The following BLTP3B variants were observed in gnomAD, a reference collection of about 807,000 sequenced individuals.
BLTP3B encodes bridge-like lipid transfer protein family member 3B, also known as UHRF1 (ICBP90) binding protein 1-like.
the BLTP3B span, among the ~76,000 whole-genome samples, chr12:100,132,532 C>T: frequency 2.6e-5 from 4 of 152,332 alleles, no homozygotes; most frequent in Non-Finnish European, 5.9e-5. Flanking sequence ...TCCACTTCCC[C>T]TTACCTTCTC....
At chr12:100,090,555 C>T in the BLTP3B span, among the ~76,000 whole-genome samples, 77 of 152,072 alleles carry the variant, frequency 5.1e-4, no homozygotes, top group East Asian at 0.014. Context: ...ATGTATTTTG[C>T]ATGTATATAT....
the BLTP3B span, among the ~76,000 whole-genome samples, chr12:100,041,623 G>T: frequency 1.3e-5 from 2 of 152,008 alleles, no homozygotes; most frequent in Middle Eastern, 6.8e-3. Context: ...TTTTAGTAGA[G>T]ATGGGGTTTC....
the BLTP3B span, among the ~76,000 whole-genome samples, chr12:100,090,065 A>G: frequency 4.6e-5 from 7 of 152,194 alleles, no homozygotes; most frequent in Non-Finnish European, 8.8e-5. Flanking sequence ...CCCCAGCCAC[A>G]TGGAACTGTA....
the BLTP3B span, among the ~76,000 whole-genome samples, chr12:100,096,230 G>T: frequency 6.6e-6 from 1 of 151,884 alleles, no homozygotes; most frequent in African/African-American, 2.4e-5. Context: ...CTCCAGCCTG[G>T]GTGACAGAGA....
chr12:100,093,674 G>C, the BLTP3B span, among the ~76,000 whole-genome samples: 1 of 152,154 alleles, frequency 6.6e-6, no homozygotes, highest in Non-Finnish European at 1.5e-5. Flanking sequence ...AAACCAGCCT[G>C]ACATCTTAAT....
At chr12:100,053,337 G>T in the BLTP3B span, among the ~76,000 whole-genome samples, 1 of 152,012 alleles carries the variant, frequency 6.6e-6, no homozygotes, top group Admixed American at 6.5e-5. Context: ...GAACCCAGGA[G>T]GCGGAGGTTG....
At chr12:100,121,698 G>A in the BLTP3B span, among the ~76,000 whole-genome samples, 72 of 151,932 alleles carry the variant, frequency 4.7e-4, no homozygotes, top group African/African-American at 1.4e-3. Flanking sequence ...GCGTGGTGGC[G>A]CCCGCCTATA....
the BLTP3B span, chr12:100,058,652 T>C: frequency 1.2e-6 from 2 of 1,614,098 alleles, no homozygotes; most frequent in Non-Finnish European, 1.7e-6. Flanking sequence ...CTTGATCCAC[T>C]GGATGGAGCA....
At chr12:100,085,013 C>G in the BLTP3B span, among the ~76,000 whole-genome samples, 1 of 152,018 alleles carries the variant, frequency 6.6e-6, no homozygotes, top group African/African-American at 2.4e-5. Context: ...TAAATAGAAT[C>G]CTTTCTTCAA....
At chr12:100,136,186 G>A in the BLTP3B span, among the ~76,000 whole-genome samples, 1 of 149,472 alleles carries the variant, frequency 6.7e-6, no homozygotes, top group Non-Finnish European at 1.5e-5. Context: ...ACTCCAGCCT[G>A]GGCAACATAG....
At chr12:100,063,459 C>A in the BLTP3B span, among the ~76,000 whole-genome samples, 2 of 152,154 alleles carry the variant, frequency 1.3e-5, no homozygotes. Context: ...GTAATCCCAG[C>A]ACTTTGGGAG....
At chr12:100,075,276 C>T in the BLTP3B span, among the ~76,000 whole-genome samples, 1 of 152,092 alleles carries the variant, frequency 6.6e-6, no homozygotes, top group African/African-American at 2.4e-5. Context: ...TCTCAAAATG[C>T]TGGGATTACA....
At chr12:100,086,649 C>T in the BLTP3B span, among the ~76,000 whole-genome samples, 1 of 152,170 alleles carries the variant, frequency 6.6e-6, no homozygotes, top group Non-Finnish European at 1.5e-5. Flanking sequence ...CAAGGCCTCC[C>T]CATATGTCAG....
the BLTP3B span, among the ~76,000 whole-genome samples, chr12:100,085,402 T>C: frequency 6.6e-6 from 1 of 151,532 alleles, no homozygotes; most frequent in Non-Finnish European, 1.5e-5. Flanking sequence ...CAAAAATAAA[T>C]ATCTAGTTAA....
At chr12:100,042,318 C>CA in the BLTP3B span, among the ~76,000 whole-genome samples, 14 of 150,254 alleles carry the variant, frequency 9.3e-5, no homozygotes, top group Non-Finnish European at 1.6e-4. Flanking sequence ...CCAAAAGAGT[C>CA]AAAAAAAAAT....
chr12:100,073,499 C>G, the BLTP3B span, among the ~76,000 whole-genome samples: 4,312 of 150,970 alleles, frequency 0.029, 101 homozygotes, highest in Non-Finnish European at 0.047. Flanking sequence ...TGCACCTAGC[C>G]GATATTATTA....
At chr12:100,067,767 G>C in the BLTP3B span, among the ~76,000 whole-genome samples, 1 of 151,830 alleles carries the variant, frequency 6.6e-6, no homozygotes, top group African/African-American at 2.4e-5. Flanking sequence ...ACCTAACCAA[G>C]GAAGTAAAAG....
At chr12:100,069,351 CAA>C in the BLTP3B span, among the ~76,000 whole-genome samples, 3 of 152,016 alleles carry the variant, frequency 2.0e-5, no homozygotes, top group Admixed American at 6.5e-5. Flanking sequence ...CTCGCAATTA[CAA>C]AACGTGGAAC....
the BLTP3B span, among the ~76,000 whole-genome samples, chr12:100,048,771 A>AGT: frequency 0.096 from 10,987 of 114,922 alleles, 677 homozygotes; most frequent in Non-Finnish European, 0.13. Context: ...AGTGAGAGTG[A>AGT]GTGTGTGTGT....
Sources: gnomAD v4.1 joint callset for allele counts (sites outside exome capture counted in the v4.1 genomes callset) on GRCh38, gnomAD v4.1.1 for gene constraint, MANE v1.5 for transcripts, NCBI Gene and HGNC (gene_info 2026-07-23, HGNC 2026-07-21) for gene names.